HECW1: variants seen among roughly 807,000 people sequenced by gnomAD.
HECW1 encodes the protein HECT, C2 and WW domain containing E3 ubiquitin protein ligase 1.
HECW1 carries 61 observed loss-of-function variants against 182.3 expected under a neutral mutation model. The observed-to-expected ratio is 0.33, with a 90% CI of 0.27 to 0.41. The LOEUF is 0.41. Among genes scored for constraint, HECW1 ranks in the 10% least tolerant of loss-of-function variants. HECW1 has a pLI of 1.00. For missense variants in HECW1, 1,739 were observed against 2,108.9 expected (o/e 0.82, Z 3.44); for synonymous variants, 859 against 832.6 (o/e 1.03, Z -0.55).
At position 43,421,094 on chromosome 7, in the gene HECW1, G is replaced by A. The variant is rs182810424; in HGVS notation, c.801+13363G>A. On this transcript the variant is annotated intron_variant, in intron 8 of 29. Coordinates refer to ENST00000395891, the MANE Select transcript of HECW1 (RefSeq NM_015052.5). ...AATAGTGTGGCATTGGCACAGAACA[G>A]ACAAATAGCTAATTAAATAGATGAG... Among the ~76,000 whole-genome samples the A allele has an allele frequency of 2.6e-5, 4 of 152,290 alleles. No homozygotes were observed. The East Asian group carries it at 7.7e-4, about 29-fold the overall frequency.
intron 7 of HECW1, among the ~76,000 whole-genome samples, chr7:43,399,153 G>C (rs1197052967): frequency 6.6e-6 from 1 of 152,186 alleles, no homozygotes; most frequent in Non-Finnish European, 1.5e-5. Flanking sequence ...ATGCAGTCTA[G>C]TCTCCAGGCA....
chr7:43,507,327 T>G, intron 22 of HECW1, 70 bp downstream of exon 22: 11 of 1,464,542 alleles, frequency 7.5e-6, no homozygotes, highest in Admixed American at 2.0e-5. Context: ...CCTACACCCT[T>G]GTAATATTGT....
chr7:43,407,630 C>A lies in HECW1; in HGVS notation c.700C>A (p.Gln234Lys). Reference protein sequence around the residue: ...NPDPYLKISIQPGKHSIFPAL... With the variant: ...NPDPYLKISIKPGKHSIFPAL... Reference sequence around the variant, plus strand: ...AGACCCTTATCTGAAGATTTCCATTCAGCCTGGGAAACACAGCATCTTCCC... The same window carrying A: ...AGACCCTTATCTGAAGATTTCCATTAAGCCTGGGAAACACAGCATCTTCCC... Residue 234 changes from glutamine (Q) to lysine (K), a missense_variant, in exon 8 of 30, where the codon CAG (glutamine) becomes AAG (lysine). Around this residue, in one of 5 missense-constraint regions of HECW1, gnomAD observed 279 missense variants for 353.1 expected, o/e 0.79. Transcript: ENST00000395891. 6.2e-7 allele frequency: 1 copy of A among 1,613,732 alleles called. No homozygotes were observed. The highest frequency in any genetic ancestry group is 8.5e-7 in the Non-Finnish European group (1 of 1,179,700).
intron 3 of HECW1, among the ~76,000 whole-genome samples, chr7:43,255,292 C>T (rs997118930): frequency 3.9e-5 from 6 of 152,100 alleles, no homozygotes; most frequent in African/African-American, 1.2e-4. Flanking sequence ...CTTCAGTCAC[C>T]GTTGCATAAA....
Position 43,562,229 on chromosome 7 carries a change from T to C in HECW1, c.*303T>C, listed in dbSNP as rs2082227009. 1.8e-5 allele frequency: 5 copies of C among 274,522 alleles called. No homozygotes were observed. The highest frequency in any genetic ancestry group is 3.4e-5 in the Non-Finnish European group (5 of 145,416). 17.0% of individuals were successfully genotyped at this position (274,522 alleles called of 1,614,324 possible). ...TCCATTACTAACAATGAAATATGAA[T>C]GCAAGTTAAGCTACACTTGACCAAA... On this transcript the variant is annotated 3_prime_UTR_variant, in exon 30 of 30. Coordinates refer to ENST00000395891, the MANE Select transcript of HECW1 (RefSeq NM_015052.5).
At chr7:43,385,207 TCCCCTCTCC>T (rs2074724085) in intron 6 of HECW1, among the ~76,000 whole-genome samples, 1 of 10,746 alleles carries the variant, frequency 9.3e-5, no homozygotes, top group Admixed American at 1.2e-3. Flanking sequence ...TCCCCTCCCC[TCCCCTCTCC>T]CCACCCCTCC....
At chr7:43,382,443 A>G (rs1377936440) in intron 6 of HECW1, among the ~76,000 whole-genome samples, 1 of 152,238 alleles carries the variant, frequency 6.6e-6, no homozygotes, top group Non-Finnish European at 1.5e-5. Flanking sequence ...GAGCTTTTCT[A>G]TAATGTTTCT....
At chr7:43,294,194 A>G (rs1318693143) in intron 3 of HECW1, among the ~76,000 whole-genome samples, 1 of 152,092 alleles carries the variant, frequency 6.6e-6, no homozygotes, top group African/African-American at 2.4e-5. Flanking sequence ...TGAGCTGCTC[A>G]CTCCCAAAAG....
intron 8 of HECW1, among the ~76,000 whole-genome samples, chr7:43,436,549 G>A (rs1395349977): frequency 6.6e-6 from 1 of 152,176 alleles, no homozygotes; most frequent in African/African-American, 2.4e-5. Context: ...GTTGTTCTCT[G>A]GCAGGCAGGG....
chr7:43,546,600 G>A (rs1336612676), intron 26 of HECW1, among the ~76,000 whole-genome samples: 1 of 141,508 alleles, frequency 7.1e-6, no homozygotes, highest in Non-Finnish European at 1.6e-5. Context: ...GGGTGGCCAA[G>A]GGCATTGTCC....
At chr7:43,301,515 A>C (rs990509325) in intron 3 of HECW1, among the ~76,000 whole-genome samples, 2 of 152,206 alleles carry the variant, frequency 1.3e-5, no homozygotes, top group Admixed American at 1.3e-4. Flanking sequence ...ATCCATACTC[A>C]GCATTTAGCA....
intron 2 of HECW1, among the ~76,000 whole-genome samples, chr7:43,226,184 G>A (rs1473657980): frequency 6.6e-6 from 1 of 152,142 alleles, no homozygotes; most frequent in Non-Finnish European, 1.5e-5. Flanking sequence ...ATAATATCAT[G>A]CTTTATATGA....
chr7:43,331,052 C>A (rs1213992162), intron 5 of HECW1, among the ~76,000 whole-genome samples: 1 of 151,988 alleles, frequency 6.6e-6, no homozygotes, highest in South Asian at 2.1e-4. Context: ...TTGTTACATA[C>A]GTATACATGT....
In HECW1 at chr7:43,243,841, C is replaced by T; in HGVS notation, c.-31-34C>T. On this transcript the variant is annotated intron_variant, in intron 2 of 29. Transcript: ENST00000395891. This position sits in a 1 kb window ranked among gnomAD's most constrained non-coding sequence, Gnocchi z 4.0. The stretch of plus-strand genomic sequence containing the variant: ...TTGCTGATTTTGTTTGCTTGGGATA[C>T]ACGCTAAGTTAACCTCGTTGGACTT... 6.5e-7 allele frequency: 1 copy of T among 1,529,502 alleles called. No homozygotes were observed. Among genetic ancestry groups the T allele is most frequent in the Non-Finnish European group, 9.1e-7 (1 of 1,102,776 alleles). 94.7% of individuals were successfully genotyped at this position (1,529,502 alleles called of 1,614,324 possible).
At chr7:43,221,242 C>T (rs1191096168) in intron 2 of HECW1, among the ~76,000 whole-genome samples, 1 of 152,148 alleles carries the variant, frequency 6.6e-6, no homozygotes, top group Non-Finnish European at 1.5e-5. Flanking sequence ...TCCCATTTCA[C>T]ATACACTAGA....
chr7:43,325,089 C>G (rs1810597660), intron 5 of HECW1, among the ~76,000 whole-genome samples: 1 of 152,090 alleles, frequency 6.6e-6, no homozygotes, highest in Non-Finnish European at 1.5e-5. Context: ...AGTAACATAC[C>G]TGATAAAAAT....
intron 19 of HECW1, among the ~76,000 whole-genome samples, chr7:43,495,289 T>C (rs2079077086): frequency 6.6e-6 from 1 of 151,600 alleles, no homozygotes; most frequent in African/African-American, 2.4e-5. Flanking sequence ...CAGGCCCCGG[T>C]GTGTGATGTT....
At chr7:43,497,451 G>C (rs1028447528) in intron 19 of HECW1, among the ~76,000 whole-genome samples, 3 of 152,136 alleles carry the variant, frequency 2.0e-5, no homozygotes, top group African/African-American at 4.8e-5. Context: ...GATTGCATCT[G>C]TGTTTTTAGT....
At position 43,235,180 on chromosome 7, in the gene HECW1, A is replaced by T. The variant is rs568606804; in HGVS notation, c.-31-8695A>T. Among the ~76,000 whole-genome samples, 503 of 151,988 alleles carry T rather than the reference A, an allele frequency of 3.3e-3. 5 individuals are homozygous for T. The highest frequency in any genetic ancestry group is 0.011 in the African/African-American group (469 of 41,460). ...GGAGCCCGGAGCTCTGTCCCTGGGG[A>T]CCCTGCAGGAAGAAGTGGAGTTCCC... On this transcript the variant is annotated intron_variant, in intron 2 of 29. Coordinates refer to ENST00000395891, the MANE Select transcript of HECW1 (RefSeq NM_015052.5).
Sources: allele counts gnomAD v4.1 joint callset (sites outside exome capture counted in the v4.1 genomes callset), GRCh38; gene constraint gnomAD v4.1.1; regional missense constraint gnomAD v4.1.1; non-coding constraint Gnocchi (gnomAD v3.1); transcripts MANE v1.5; gene names NCBI Gene and HGNC (gene_info 2026-07-23, HGNC 2026-07-21).